The following PBX1 variants were observed in gnomAD, a reference collection of about 807,000 sequenced individuals.
PBX1 encodes the protein PBX homeobox 1, also known as pre-B-cell leukemia transcription factor 1.
A neutral mutation model predicts 53.4 loss-of-function variants in PBX1; 6 were observed. The observed-to-expected ratio is 0.11, with a 90% CI of 0.06 to 0.22. The LOEUF (loss-of-function observed/expected upper bound fraction) is 0.22. PBX1 is among the 10% of genes least tolerant of loss of function. The pLI is 1.00. For synonymous variants in PBX1, 204 were observed against 212.3 expected (o/e 0.96, Z 0.34); for missense variants, 251 against 551.4 (o/e 0.46, Z 5.46).
At chr1:164,685,008 A>G (rs1284354251) in intron 2 of PBX1, 1 of 152,218 alleles carries the variant, frequency 6.6e-6, no homozygotes, top group African/African-American at 2.4e-5. Flanking sequence ...CCACAACCTT[A>G]GGAATTAGAC....
In PBX1 at chr1:164,870,289, C is replaced by CTT. The variant is rs755805063; in HGVS notation, n.258-28897_258-28896dup. 1.7e-3 allele frequency among the ~76,000 whole-genome samples: 54 copies of CTT among 32,610 alleles called. 1 individual carries two copies. Among genetic ancestry groups the CTT allele is most frequent in the South Asian group, 5.0e-3 (4 of 800 alleles). The allele number at this position is 32,610 out of a possible 152,430, so 21.4% of individuals were successfully genotyped here. A position where few individuals can be genotyped will look rare whatever the true frequency, so the allele number is the denominator to read the frequency against. On this transcript the variant is annotated intron_variant and non_coding_transcript_variant, in intron 2 of 2. Coordinates refer to the PBX1 transcript ENST00000558796. ...TCCTTCTTTCTTTCTTTCTTTCTTT[C>CTT]TTTCTTTCTTTCTTTCTTTCTTTCT...
chr1:164,567,061 A>C (rs1028384194), intron 2 of PBX1, among the ~76,000 whole-genome samples: 1 of 151,710 alleles, frequency 6.6e-6, no homozygotes, highest in African/African-American at 2.4e-5. Flanking sequence ...TTCACTTTTG[A>C]CACCCTCCCT....
intron 5 of PBX1, among the ~76,000 whole-genome samples, chr1:164,808,237 C>T (rs1669447300): frequency 6.6e-6 from 1 of 152,136 alleles, no homozygotes; most frequent in South Asian, 2.1e-4. Flanking sequence ...CCCCTTCCCC[C>T]AAAGAGCAAT....
At chr1:164,830,282 C>G (rs1419177265) in intron 8 of PBX1, among the ~76,000 whole-genome samples, 5 of 152,124 alleles carry the variant, frequency 3.3e-5, no homozygotes, top group Admixed American at 3.3e-4. Context: ...GTGATAAAAT[C>G]ACATGTAAAT....
chr1:164,854,973 G>A (rs1671947535), downstream of PBX1, among the ~76,000 whole-genome samples: 1 of 143,350 alleles, frequency 7.0e-6, no homozygotes, highest in African/African-American at 2.6e-5. Flanking sequence ...TTTTGAGACG[G>A]GGTCTTGCTG....
chr1:164,693,104 T>G, intron 2 of PBX1, among the ~76,000 whole-genome samples: 1 of 151,918 alleles, frequency 6.6e-6, no homozygotes, highest in East Asian at 1.9e-4. Context: ...GAAGAAAGAG[T>G]TGGAAGCTCA....
intron 2 of PBX1, among the ~76,000 whole-genome samples, chr1:164,582,664 C>G (rs1471821686): frequency 6.6e-6 from 1 of 152,046 alleles, no homozygotes; most frequent in Non-Finnish European, 1.5e-5. Context: ...CTCAGGTGAT[C>G]TGCCTGCCTT....
intron 5 of PBX1, 29 bp downstream of exon 5, chr1:164,807,706 G>C: frequency 1.9e-6 from 3 of 1,611,448 alleles, no homozygotes; most frequent in Non-Finnish European, 2.5e-6. Context: ...GCCTCAGCCT[G>C]TAGCCTGGCC....
At chr1:164,742,464 C>T (rs541484606) in intron 2 of PBX1, among the ~76,000 whole-genome samples, 62 of 152,246 alleles carry the variant, frequency 4.1e-4, no homozygotes, top group Non-Finnish European at 6.5e-4. Flanking sequence ...ATTGCTTGAA[C>T]CTGGGAGGCA....
chr1:164,703,962 GAGAA>G (rs1302330309), intron 2 of PBX1, among the ~76,000 whole-genome samples: 2 of 152,178 alleles, frequency 1.3e-5, no homozygotes, highest in African/African-American at 4.8e-5. Flanking sequence ...AATCAGATGA[GAGAA>G]AGAGAGGGAA....
intron 2 of PBX1, chr1:164,590,211 T>TG (rs1339168572): frequency 3.3e-5 from 11 of 329,616 alleles, no homozygotes; most frequent in Admixed American, 2.0e-4. Context: ...GACCCTGTGT[T>TG]GAAAAAAAAA....
intron 2 of PBX1, among the ~76,000 whole-genome samples, chr1:164,599,618 C>G (rs1656026599): frequency 6.6e-6 from 1 of 152,054 alleles, no homozygotes; most frequent in African/African-American, 2.4e-5. Context: ...ATGGGGATAA[C>G]TGGGAATGGG....
chr1:164,559,196 G>A lies in PBX1; in HGVS notation c.-627G>A, dbSNP rs1220726012. 5.6e-6 allele frequency: 1 copy of A among 178,000 alleles called. No homozygotes were observed. Among genetic ancestry groups the A allele is most frequent in the Non-Finnish European group, 1.2e-5 (1 of 83,114 alleles). The allele number at this position is 178,000 out of a possible 1,614,324, so 11.0% of individuals were successfully genotyped here. ...CTGAGCCTGAGCTAAACAAAAGCAG[G>A]AGGCTGACGGGGCTGCTGGAGTTTG... On this transcript the variant is annotated 5_prime_UTR_variant, in exon 1 of 9. Transcript: ENST00000420696.
intron 2 of PBX1, among the ~76,000 whole-genome samples, chr1:164,580,067 C>G (rs1272869561): frequency 6.6e-6 from 1 of 152,084 alleles, no homozygotes; most frequent in African/African-American, 2.4e-5. Flanking sequence ...GTGATTCTTC[C>G]AAGGAAATCC....
intron 2 of PBX1, among the ~76,000 whole-genome samples, chr1:164,640,146 G>A (rs187483910): frequency 3.6e-4 from 55 of 152,236 alleles, no homozygotes; most frequent in African/African-American, 1.1e-3. Context: ...CAAACAGATC[G>A]CAGCCTGGCT....
chr1:164,793,089 T>TGATC (rs1300717784), intron 3 of PBX1, among the ~76,000 whole-genome samples: 4 of 152,150 alleles, frequency 2.6e-5, no homozygotes, highest in African/African-American at 9.7e-5. Context: ...GCGCTATAGG[T>TGATC]GATCAGCAGA....
intron 1 of PBX1, chr1:164,560,232 T>TTC (rs1553206738): frequency 4.6e-5 from 21 of 460,204 alleles, no homozygotes; most frequent in Admixed American, 2.4e-4. Context: ...GTGTACATAT[T>TTC]TGTGTGTGTG....
chr1:164,774,839 A>G (rs1667565226), intron 2 of PBX1, among the ~76,000 whole-genome samples: 1 of 152,184 alleles, frequency 6.6e-6, no homozygotes, highest in African/African-American at 2.4e-5. Flanking sequence ...ACATCGTGCC[A>G]ACAACCCATG....
intron 8 of PBX1, among the ~76,000 whole-genome samples, chr1:164,825,835 A>G (rs970667704): frequency 6.6e-6 from 1 of 152,160 alleles, no homozygotes; most frequent in East Asian, 1.9e-4. Flanking sequence ...TAAAAAAAGT[A>G]TATATACCTG....
Sources: allele counts gnomAD v4.1 joint callset (sites outside exome capture counted in the v4.1 genomes callset), GRCh38; gene constraint gnomAD v4.1.1; transcripts MANE v1.5; gene names NCBI Gene and HGNC (gene_info 2026-07-23, HGNC 2026-07-21).